Variants in ACACA observed in about 807,000 individuals in gnomAD.
The protein encoded by ACACA is acetyl-CoA carboxylase alpha.
ACACA carries 103 observed loss-of-function variants against 296.1 expected under a neutral mutation model. The ratio of observed to expected loss-of-function variants is 0.35; its 90% CI spans 0.30 to 0.41. The LOEUF (loss-of-function observed/expected upper bound fraction) is 0.41. Ranked by LOEUF, ACACA falls within the 10% of genes least tolerant of loss-of-function variation. The pLI is 1.00. For missense variants in ACACA, 1,554 were observed against 2,989.7 expected (o/e 0.52, Z 11.20); for synonymous variants, 953 against 1,038.6 (o/e 0.92, Z 1.58).
intron 35 of ACACA, among the ~76,000 whole-genome samples, chr17:37,195,714 C>G (rs1325915762): frequency 6.6e-6 from 1 of 152,086 alleles, no homozygotes; most frequent in Non-Finnish European, 1.5e-5. Flanking sequence ...TCAAAAACCA[C>G]AGAATCACAG....
chr17:37,328,984 G>T, intron 3 of ACACA: 1 of 398,526 alleles, frequency 2.5e-6, no homozygotes, highest in Non-Finnish European at 4.4e-6. Context: ...TTTAATCCAA[G>T]AACTGAAAAG....
chr17:37,163,903 G>C (rs1042428454), intron 41 of ACACA, among the ~76,000 whole-genome samples: 2 of 152,030 alleles, frequency 1.3e-5, no homozygotes, highest in Non-Finnish European at 2.9e-5. Context: ...CCTTCTATAT[G>C]AGAACTAGTC....
intron 47 of ACACA, among the ~76,000 whole-genome samples, chr17:37,126,894 T>C (rs1045360269): frequency 4.6e-5 from 7 of 152,226 alleles, no homozygotes; most frequent in Non-Finnish European, 8.8e-5. Flanking sequence ...ATCACAGCAC[T>C]ATCTCCTCTA....
intron 39 of ACACA, among the ~76,000 whole-genome samples, chr17:37,185,402 CTTTT>C (rs67821579): frequency 1.0e-4 from 5 of 48,434 alleles, no homozygotes; most frequent in African/African-American, 3.7e-4. Context: ...CTGGCTATTT[CTTTT>C]TTTTTTTTTT....
At chr17:37,268,729 C>CTATATATATATATA (rs1212218965) in intron 10 of ACACA, among the ~76,000 whole-genome samples, 10 of 111,040 alleles carry the variant, frequency 9.0e-5, no homozygotes, top group African/African-American at 3.7e-4. Context: ...ATCTATCTAT[C>CTATATATATATATA]TATCTATCTA....
At chr17:37,346,134 T>C (rs929207269) in intron 1 of ACACA, among the ~76,000 whole-genome samples, 1 of 152,070 alleles carries the variant, frequency 6.6e-6, no homozygotes, top group African/African-American at 2.4e-5. Context: ...ATTGTACCAA[T>C]GTTAATTTCA....
intron 3 of ACACA, among the ~76,000 whole-genome samples, chr17:37,302,964 G>A (rs2083700948): frequency 6.6e-6 from 1 of 152,096 alleles, no homozygotes; most frequent in African/African-American, 2.4e-5. Context: ...TTCATTATAT[G>A]TGTCATTTTT....
At chr17:37,114,903 T>C (rs1329530319) in intron 50 of ACACA, among the ~76,000 whole-genome samples, 2 of 152,232 alleles carry the variant, frequency 1.3e-5, no homozygotes, top group African/African-American at 2.4e-5. Context: ...GCAAACCAAA[T>C]AGAAATTGCT....
At chr17:37,297,161 G>C (rs1442315162) in intron 3 of ACACA, among the ~76,000 whole-genome samples, 1 of 151,578 alleles carries the variant, frequency 6.6e-6, no homozygotes, top group South Asian at 2.1e-4. Context: ...CACATTTAAG[G>C]CCGGGCGCGG....
intron 2 of ACACA, among the ~76,000 whole-genome samples, chr17:37,334,556 G>A (rs933146618): frequency 3.4e-5 from 5 of 146,576 alleles, no homozygotes; most frequent in Admixed American, 6.9e-5. Context: ...ACTGCCAAAG[G>A]AACTCAAAAA....
chr17:37,377,814 C>T, intron 1 of ACACA: 2 of 1,280,188 alleles, frequency 1.6e-6, no homozygotes, highest in South Asian at 1.2e-5. Flanking sequence ...AAAGTAAGTA[C>T]CAGTAAATTC....
intron 41 of ACACA, among the ~76,000 whole-genome samples, chr17:37,168,674 A>T (rs533687527): frequency 1.3e-5 from 2 of 152,350 alleles, no homozygotes; most frequent in African/African-American, 4.8e-5. Flanking sequence ...TTAAAAATCA[A>T]GACTCACTTT....
chr17:37,284,907 T>G lies in ACACA; in HGVS notation c.402A>C (p.Gln134His). Residue 134 changes from glutamine to histidine, a missense_variant, in exon 4 of 56, where the codon CAA (glutamine) becomes CAC (histidine). Transcript: ENST00000616317. ...CTGGAGAAGCCACAGTGAAATCTCG[T>G]TGAGAATCTATTTTCTTTCTGTCTC... ...QGRDRKKIDS[Q>H]RDFTVASPAE... is the part of the protein sequence containing the mutation. 6.2e-7 allele frequency: 1 copy of G among 1,614,192 alleles called. No individual in the cohort carries two copies. The highest frequency in any genetic ancestry group is 8.5e-7 in the Non-Finnish European group (1 of 1,180,028).
intron 10 of ACACA, among the ~76,000 whole-genome samples, chr17:37,267,329 A>C (rs549532729): frequency 6.6e-6 from 1 of 152,282 alleles, no homozygotes; most frequent in South Asian, 2.1e-4. Flanking sequence ...TGACTGTCCT[A>C]GTAGGACTAG....
Position 37,221,707 on chromosome 17 carries a change from T to C in ACACA, c.3683+17A>G. On this transcript the variant is annotated intron_variant, in intron 29 of 55. Coordinates refer to ENST00000616317, the MANE Select transcript of ACACA (RefSeq NM_198834.3). ...TACCTCTGGCTGGCTCGGGTGCACA[T>C]ACCACCTCAAACTCACCTGTTTGGA... 1 of 1,597,262 alleles carries C rather than the reference T, an allele frequency of 6.3e-7. No homozygotes were observed. The highest frequency in any genetic ancestry group is 8.6e-7 in the Non-Finnish European group (1 of 1,164,636).
chr17:37,152,004 C>T (rs956463728), intron 43 of ACACA, among the ~76,000 whole-genome samples: 12 of 151,294 alleles, frequency 7.9e-5, no homozygotes, highest in Non-Finnish European at 1.6e-4. Context: ...ACCATGTTGG[C>T]CAGGATGGTC....
intron 41 of ACACA, among the ~76,000 whole-genome samples, chr17:37,178,324 G>T (rs375961514): frequency 1.3e-5 from 2 of 152,216 alleles, no homozygotes; most frequent in East Asian, 3.9e-4. Flanking sequence ...CAAAAAATGG[G>T]TTCTTTGCTA....
chr17:37,376,100 C>A, intron 1 of ACACA: 1 of 1,612,608 alleles, frequency 6.2e-7, no homozygotes, highest in Middle Eastern at 1.7e-4. Context: ...AACATGGATA[C>A]CATCTTGGTC....
intron 3 of ACACA, among the ~76,000 whole-genome samples, chr17:37,307,964 GAC>G (rs2083959261): frequency 6.6e-6 from 1 of 151,362 alleles, no homozygotes; most frequent in South Asian, 2.1e-4. Context: ...AAAAATCAAA[GAC>G]ACAGAAGAAC....
Sources: gnomAD v4.1 joint callset for allele counts (sites outside exome capture counted in the v4.1 genomes callset) on GRCh38, gnomAD v4.1.1 for gene constraint, MANE v1.5 for transcripts, NCBI Gene and HGNC (gene_info 2026-07-23, HGNC 2026-07-21) for gene names.